Variants in RIMS1 observed in about 807,000 individuals in gnomAD.
RIMS1 encodes regulating synaptic membrane exocytosis protein 1.
RIMS1 carries 83 observed loss-of-function variants against 214.1 expected under a neutral mutation model. That is an observed-to-expected ratio of 0.39 (90% CI 0.32 to 0.47). The LOEUF is 0.47. Ranked by LOEUF, RIMS1 falls within the 20% of genes least tolerant of loss-of-function variation. The pLI, the probability that RIMS1 is intolerant of heterozygous loss-of-function variation, is 0.99. For synonymous variants in RIMS1, 793 were observed against 786.8 expected (o/e 1.01, Z -0.13); for missense variants, 2,050 against 2,161.8 (o/e 0.95, Z 1.03).
intron 2 of RIMS1, among the ~76,000 whole-genome samples, chr6:72,054,963 A>C (rs1029869260): frequency 7.9e-5 from 12 of 152,182 alleles, no homozygotes; most frequent in African/African-American, 2.9e-4. Context: ...CTTTTGTTGC[A>C]ATTGCTTTTG....
intron 2 of RIMS1, among the ~76,000 whole-genome samples, chr6:72,048,327 C>A (rs542431893): frequency 6.6e-6 from 1 of 152,124 alleles, no homozygotes; most frequent in Non-Finnish European, 1.5e-5. Flanking sequence ...TTTCTTCCAA[C>A]GAAGTTCCTT....
intron 2 of RIMS1, among the ~76,000 whole-genome samples, chr6:71,972,914 T>A (rs2151388623): frequency 6.6e-6 from 1 of 152,188 alleles, no homozygotes; most frequent in Middle Eastern, 3.4e-3. Context: ...TAATACGGAT[T>A]TTTTGTTTGT....
At chr6:72,396,519 G>A (rs927569404) in intron 31 of RIMS1, among the ~76,000 whole-genome samples, 1 of 152,086 alleles carries the variant, frequency 6.6e-6, no homozygotes. Flanking sequence ...GAAACTCTTT[G>A]CAGCATTTTT....
chr6:72,308,325 A>G lies in RIMS1; in HGVS notation c.3963+955A>G, dbSNP rs116668248. Reference sequence around the variant, plus strand: ...TTCTTCATGAAGTAATTTTAAATATATTATCTGGTTTATTTAAAAGCTTTT... The same window carrying G: ...TTCTTCATGAAGTAATTTTAAATATGTTATCTGGTTTATTTAAAAGCTTTT... On this transcript the variant is annotated intron_variant, in intron 27 of 33. Coordinates refer to ENST00000521978, the MANE Select transcript of RIMS1 (RefSeq NM_014989.7). Among the ~76,000 whole-genome samples the G allele has an allele frequency of 4.4e-3, 670 of 152,242 alleles. 5 individuals are homozygous for G. Among genetic ancestry groups the G allele is most frequent in the African/African-American group, 0.016 (648 of 41,560 alleles).
At chr6:72,142,141 GC>G in intron 4 of RIMS1, among the ~76,000 whole-genome samples, 1 of 151,620 alleles carries the variant, frequency 6.6e-6, no homozygotes, top group East Asian at 1.9e-4. Context: ...ATTTAATCTG[GC>G]CCCTCTAAAT....
chr6:72,032,697 A>G (rs1818472051), intron 2 of RIMS1, among the ~76,000 whole-genome samples: 1 of 152,218 alleles, frequency 6.6e-6, no homozygotes, highest in East Asian at 1.9e-4. Flanking sequence ...GAAGAGTGGT[A>G]TCTGAATAAA....
intron 29 of RIMS1, among the ~76,000 whole-genome samples, chr6:72,352,983 C>CTTTTTTTTTTTTTT (rs70994123): frequency 5.7e-5 from 5 of 88,288 alleles, no homozygotes; most frequent in African/African-American, 9.3e-5. Flanking sequence ...ATTCTTTTTT[C>CTTTTTTTTTTTTTT]TTTTTTTTTT....
chr6:71,977,576 TG>T (rs1797466064), intron 2 of RIMS1, among the ~76,000 whole-genome samples: 1 of 151,864 alleles, frequency 6.6e-6, no homozygotes, highest in South Asian at 2.1e-4. Context: ...CTGAATGCAA[TG>T]AAAGAGAGCT....
chr6:72,209,653 G>T (rs1017138506), intron 6 of RIMS1, among the ~76,000 whole-genome samples: 2 of 152,144 alleles, frequency 1.3e-5, no homozygotes, highest in African/African-American at 4.8e-5. Context: ...TGTAATCCCA[G>T]CACTTTGGAA....
chr6:71,966,649 A>C (rs940252802), intron 1 of RIMS1, among the ~76,000 whole-genome samples: 1 of 152,110 alleles, frequency 6.6e-6, no homozygotes, highest in Admixed American at 6.6e-5. Flanking sequence ...AGCCTTCTGA[A>C]TAGCTGGGAC....
intron 2 of RIMS1, among the ~76,000 whole-genome samples, chr6:72,047,980 T>G (rs1339529861): frequency 6.6e-6 from 1 of 152,194 alleles, no homozygotes; most frequent in Non-Finnish European, 1.5e-5. Flanking sequence ...GCAAAACAAC[T>G]TATACATTCA....
chr6:71,933,063 A>G (rs999565115), intron 1 of RIMS1, among the ~76,000 whole-genome samples: 4 of 152,166 alleles, frequency 2.6e-5, no homozygotes, highest in African/African-American at 9.7e-5. Flanking sequence ...TGTACTTCCT[A>G]TTATCAAAGG....
intron 30 of RIMS1, 103 bp from the exon 31 acceptor site, chr6:72,392,595 T>C (rs1360041765): frequency 1.2e-6 from 1 of 824,640 alleles, no homozygotes; most frequent in South Asian, 1.4e-5. Context: ...GTCTAAGTAA[T>C]ATTTATGTTT....
chr6:72,058,893 T>A (rs1474761829), intron 2 of RIMS1, among the ~76,000 whole-genome samples: 1 of 152,184 alleles, frequency 6.6e-6, no homozygotes. Flanking sequence ...CCTCTTTATC[T>A]GTATAATAAA....
At chr6:72,255,336 T>A (rs998804424) in intron 16 of RIMS1, among the ~76,000 whole-genome samples, 8 of 152,194 alleles carry the variant, frequency 5.3e-5, no homozygotes, top group Non-Finnish European at 8.8e-5. Flanking sequence ...TCTATATATG[T>A]TTAATGTACT....
In RIMS1 at chr6:72,237,140, C is replaced by T. The variant is rs541683391; in HGVS notation, c.1858-683C>T. 1.1e-3 allele frequency among the ~76,000 whole-genome samples: 165 copies of T among 150,254 alleles called. 1 individual carries two copies. Among genetic ancestry groups the T allele is most frequent in the South Asian group, 2.9e-3 (14 of 4,750 alleles). On this transcript the variant is annotated intron_variant, in intron 8 of 33. Coordinates refer to ENST00000521978, the MANE Select transcript of RIMS1 (RefSeq NM_014989.7). ...AGCAACACTTGAGCCTGGGAGTTCA[C>T]GGCTGCAGCCATCTATGATCACATC... is the stretch of plus-strand genomic sequence containing the variant.
intron 16 of RIMS1, among the ~76,000 whole-genome samples, chr6:72,255,463 C>T (rs1158217634): frequency 1.3e-5 from 2 of 152,164 alleles, no homozygotes; most frequent in Non-Finnish European, 2.9e-5. Flanking sequence ...ACACGAAATT[C>T]TCTGTTTTTA....
In RIMS1 at chr6:72,290,837, C is replaced by T. The variant is rs764984137; in HGVS notation, c.3713C>T (p.Ala1238Val). The stretch of plus-strand genomic sequence containing the variant: ...CACCACCTTGTCCCTGGAGGGTCGG[C>T]GCCACCTTCTCCGCTTCTGACAAGG... ...SMHHLVPGGS[A>V]PPSPLLTRMH... is the part of the protein sequence containing the mutation. Residue 1238 changes from alanine to valine, a missense_variant, in exon 25 of 34, where the codon GCG becomes GTG. Ala to Val is a moderately conservative substitution (Grantham distance 64, BLOSUM62 0). Around this residue, in one of 6 missense-constraint regions of RIMS1, gnomAD observed 889 missense variants for 885.5 expected, o/e 1.00. Coordinates refer to ENST00000521978, the MANE Select transcript of RIMS1 (RefSeq NM_014989.7). 2.2e-5 allele frequency: 35 copies of T among 1,612,724 alleles called. No individual in the cohort carries two copies. The East Asian group carries it at 2.7e-4, about 12-fold the overall frequency.
intron 1 of RIMS1, among the ~76,000 whole-genome samples, chr6:71,909,750 T>C (rs939071997): frequency 1.3e-5 from 2 of 152,070 alleles, no homozygotes; most frequent in Non-Finnish European, 2.9e-5. Flanking sequence ...TTATCTGAAG[T>C]GGTTTGTAAT....
Sources: allele counts gnomAD v4.1 joint callset (sites outside exome capture counted in the v4.1 genomes callset), GRCh38; gene constraint gnomAD v4.1.1; regional missense constraint gnomAD v4.1.1; transcripts MANE v1.5; gene names NCBI Gene and HGNC (gene_info 2026-07-23, HGNC 2026-07-21).